The following FCER2 variants were observed in gnomAD, a reference collection of about 807,000 sequenced individuals.
The protein encoded by FCER2 is low affinity immunoglobulin epsilon Fc receptor.
A neutral mutation model predicts 49.7 loss-of-function variants in FCER2; 38 were observed. The observed-to-expected ratio is 0.76, with a 90% CI of 0.59 to 1.00. The LOEUF is 1.00. Ranked by LOEUF, FCER2 falls within the 50% of genes least tolerant of loss-of-function variation. The pLI is 0.00. For missense variants in FCER2, 425 were observed against 419.5 expected (o/e 1.01, Z -0.11); for synonymous variants, 163 against 164.6 (o/e 0.99, Z 0.07).
chr19:7,691,961 TTGTC>T lies in FCER2; in HGVS notation c.470-1408_470-1405del. ...AACAACACATCAACTACCAACACCA[TTGTC>T]ACACATTCACATTCACGTCCATCAA... On this transcript the variant is annotated intron_variant, in intron 8 of 10. Coordinates refer to ENST00000597921, the MANE Select transcript of FCER2 (RefSeq NM_001220500.2). Among the ~76,000 whole-genome samples, 2 of 68,368 alleles carry T rather than the reference TTGTC, an allele frequency of 2.9e-5. 1 individual carries two copies. Among genetic ancestry groups the T allele is most frequent in the African/African-American group, 1.9e-4 (2 of 10,500 alleles). The allele number at this position is 68,368 out of a possible 152,430, so 44.9% of individuals were successfully genotyped here.
At chr19:7,695,920 C>CTTTTTTTTTTTT (rs60387474) in intron 8 of FCER2, among the ~76,000 whole-genome samples, 1 of 80,678 alleles carries the variant, frequency 1.2e-5, no homozygotes. Flanking sequence ...CCATCTCTCT[C>CTTTTTTTTTTTT]TTTTTTTTTT....
At position 7,697,507 on chromosome 19, in the gene FCER2, C is replaced by T. The variant is rs2033048287; in HGVS notation, c.253+20G>A. The T allele has an allele frequency of 1.9e-6, 3 of 1,581,722 alleles. No individual in the cohort carries two copies. The highest frequency in any genetic ancestry group is 2.6e-6 in the Non-Finnish European group (3 of 1,155,542). Reference sequence around the variant, plus strand: ...CCCCTCGCTTTTTCCCCTGCAACCCCAACTCCAGGAGTCACTCACACTGGG... The same window carrying T: ...CCCCTCGCTTTTTCCCCTGCAACCCTAACTCCAGGAGTCACTCACACTGGG... On this transcript the variant is annotated intron_variant, in intron 5 of 10. Coordinates refer to ENST00000597921, the MANE Select transcript of FCER2 (RefSeq NM_001220500.2).
rs183142320 is a variant in FCER2 at position 7,701,256 on chromosome 19, C to T, written c.-86+759G>A. On this transcript the variant is annotated intron_variant, in intron 1 of 10. Transcript: ENST00000597921. The stretch of plus-strand genomic sequence containing the variant: ...GGAGCCTCAGGGAGGTGGGGTGTGG[C>T]GCGGCCAGGCTCTGATTAGCGGCAG... 2.6e-3 allele frequency among the ~76,000 whole-genome samples: 391 copies of T among 152,184 alleles called. 2 individuals carry two copies. The highest frequency in any genetic ancestry group is 8.9e-3 in the African/African-American group (368 of 41,524).
At chr19:7,694,938 G>T (rs1292733376) in intron 8 of FCER2, among the ~76,000 whole-genome samples, 1 of 152,088 alleles carries the variant, frequency 6.6e-6, no homozygotes, top group Non-Finnish European at 1.5e-5. Flanking sequence ...GGGCTCAGGT[G>T]ATCCTCCCAC....
At chr19:7,692,576 C>G (rs1176156447) in intron 8 of FCER2, among the ~76,000 whole-genome samples, 2 of 152,066 alleles carry the variant, frequency 1.3e-5, no homozygotes, top group Non-Finnish European at 2.9e-5. Context: ...ACACGTAAAC[C>G]CCTAACACTG....
intron 1 of FCER2, among the ~76,000 whole-genome samples, chr19:7,700,898 C>T (rs190852010): frequency 1.3e-3 from 196 of 152,216 alleles, no homozygotes; most frequent in African/African-American, 4.5e-3. Context: ...GCAACCTCCA[C>T]CTCCCGGGTT....
At chr19:7,698,667 G>T (rs756939105) in intron 3 of FCER2, 74 bp downstream of exon 3, 3 of 1,560,206 alleles carry the variant, frequency 1.9e-6, no homozygotes, top group Non-Finnish European at 2.6e-6. Context: ...CCAGCTCTGA[G>T]ATGGGGGTGA....
rs1438587101 is a variant in FCER2, at chr19:7,696,925, C to T, written c.380-11G>A. 1.9e-6 allele frequency: 3 copies of T among 1,573,870 alleles called. No homozygotes were observed. Among genetic ancestry groups the T allele is most frequent in the South Asian group, 1.2e-5 (1 of 85,916 alleles). On this transcript the variant is annotated splice_polypyrimidine_tract_variant and intron_variant, in intron 7 of 10. Coordinates refer to ENST00000597921, the MANE Select transcript of FCER2 (RefSeq NM_001220500.2). ...TCCTCTCGTTCAATTCTTGGGGAGT[C>T]AACAAGGGGCGGTGCTCAGAGACCA... is the stretch of plus-strand genomic sequence containing the variant.
At chr19:7,690,296 A>G (rs1263730087) in intron 9 of FCER2, 31 bp from the exon 10 acceptor site, 1 of 1,608,058 alleles carries the variant, frequency 6.2e-7, no homozygotes, top group Non-Finnish European at 8.5e-7. Context: ...GGAGGACTGG[A>G]GACATGTGCC....
At position 7,701,419 on chromosome 19, in the gene FCER2, T is replaced by C. The variant is rs1246331123; in HGVS notation, c.-86+596A>G. On this transcript the variant is annotated intron_variant, in intron 1 of 10. Coordinates refer to ENST00000597921, the MANE Select transcript of FCER2 (RefSeq NM_001220500.2). Reference sequence around the variant, plus strand: ...ATGAGCAGCTCAGTTTGCTCATCTGTAAATTGGGAGTATTCAAAGCACCAG... The same window carrying C: ...ATGAGCAGCTCAGTTTGCTCATCTGCAAATTGGGAGTATTCAAAGCACCAG... Among the ~76,000 whole-genome samples, 3 of 152,052 alleles carry C rather than the reference T, an allele frequency of 2.0e-5. No individual in the cohort carries two copies. In the East Asian group the frequency reaches 5.8e-4, roughly 29 times the overall value.
chr19:7,699,701 T>C (rs2033112001), intron 2 of FCER2, 38 bp downstream of exon 2: 1 of 1,604,418 alleles, frequency 6.2e-7, no homozygotes, highest in South Asian at 1.1e-5. Flanking sequence ...CTAAGGGTCA[T>C]TGCTTCTGCC....
chr19:7,700,014 T>C (rs938063796), intron 1 of FCER2, 169 bp from the exon 2 acceptor site: 25 of 566,026 alleles, frequency 4.4e-5, no homozygotes, highest in East Asian at 1.2e-4. Flanking sequence ...TGTGGAGAGA[T>C]AGCAGCCTGA....
chr19:7,696,733 T>C (rs759657522), intron 8 of FCER2, 92 bp downstream of exon 8: 10 of 889,622 alleles, frequency 1.1e-5, no homozygotes, highest in Non-Finnish European at 1.8e-5. Flanking sequence ...ACATGCTGCC[T>C]CACGTCACAC....
intron 8 of FCER2, among the ~76,000 whole-genome samples, chr19:7,694,313 C>T (rs2032961075): frequency 6.6e-6 from 1 of 152,142 alleles, no homozygotes; most frequent in Non-Finnish European, 1.5e-5. Flanking sequence ...CGTAGTGAGC[C>T]ATGATTGTGC....
At chr19:7,691,807 C>T (rs1265026628) in intron 8 of FCER2, among the ~76,000 whole-genome samples, 2 of 152,146 alleles carry the variant, frequency 1.3e-5, no homozygotes, top group Non-Finnish European at 2.9e-5. Context: ...ACCTCAGTCA[C>T]CAACACCATG....
At position 7,689,410 on chromosome 19, in the gene FCER2, G is replaced by T. The variant is rs2032796145; in HGVS notation, c.749C>A (p.Pro250His). ...VDYSNWAPGE[P>H]TSRSQGEDCV... ...GTCCTCGCCCTGGCTCCGGCTGGTG[G>T]GCTCCCCTGGAGCCCAGTTGCTGGA... The change falls in exon 11 of 11, where the codon CCC becomes CAC. Residue 250 changes from proline (P) to histidine (H), a missense_variant. Transcript: ENST00000597921. 6.3e-7 allele frequency: 1 copy of T among 1,593,774 alleles called. No homozygotes were observed. Among genetic ancestry groups the T allele is most frequent in the Non-Finnish European group, 8.5e-7 (1 of 1,170,690 alleles).
intron 8 of FCER2, among the ~76,000 whole-genome samples, chr19:7,695,542 G>A (rs370777985): frequency 3.2e-4 from 49 of 152,338 alleles, no homozygotes; most frequent in African/African-American, 6.3e-4. Context: ...TTGGGAGGCC[G>A]AGGCGAGAGG....
rs745525628 is a variant in FCER2 at position 7,690,542 on chromosome 19, G to A, written c.485C>T (p.Thr162Met). Residue 162 changes from threonine (T) to methionine (M), a missense_variant, in exon 9 of 11, where the codon ACG becomes ATG. Coordinates refer to ENST00000597921, the MANE Select transcript of FCER2 (RefSeq NM_001220500.2). ...GAAATTGATCCACTTTTCAGGGCAC[G>A]TGTTGCACACAAAGCCTGGGGTGGA... Reference protein sequence around the residue: ...LQVSSGFVCNTCPEKWINFQR... With the variant: ...LQVSSGFVCNMCPEKWINFQR... 89 of 1,613,892 alleles carry A rather than the reference G, an allele frequency of 5.5e-5. No homozygotes were observed. Among genetic ancestry groups the A allele is most frequent in the Middle Eastern group, 3.3e-4 (2 of 6,080 alleles).
chr19:7,699,376 C>T (rs566821189), intron 2 of FCER2: 208 of 1,350,390 alleles, frequency 1.5e-4, no homozygotes, highest in Middle Eastern at 9.9e-4. Context: ...TCTGCACTCA[C>T]CCTGGCTTGG....
Sources: allele counts gnomAD v4.1 joint callset (sites outside exome capture counted in the v4.1 genomes callset), GRCh38; gene constraint gnomAD v4.1.1; transcripts MANE v1.5; gene names NCBI Gene and HGNC (gene_info 2026-07-23, HGNC 2026-07-21).